Variants in FAIM2 observed in about 807,000 individuals in gnomAD.
The protein encoded by FAIM2 is protein lifeguard 2.
A neutral mutation model predicts 47.4 loss-of-function variants in FAIM2; 27 were observed. The ratio of observed to expected loss-of-function variants is 0.57; its 90% confidence interval spans 0.42 to 0.78. The LOEUF (loss-of-function observed/expected upper bound fraction) is 0.78. Ranked by LOEUF, FAIM2 falls within the 30% of genes least tolerant of loss-of-function variation. The pLI is 0.00. For missense variants in FAIM2, 311 were observed against 389.4 expected, an observed-to-expected ratio of 0.80 and a Z score of 1.69; for synonymous variants, 156 against 159.3, an observed-to-expected ratio of 0.98 and a Z score of 0.16.
chr12:49,898,133 C>T (rs771512722), intron 2 of FAIM2, 43 bp from the exon 3 acceptor site: 5 of 1,456,926 alleles, frequency 3.4e-6, no homozygotes, highest in Non-Finnish European at 2.9e-6. Context: ...GTTCCCCCTA[C>T]ATAGAATTAC....
intron 10 of FAIM2, 29 bp from the exon 11 acceptor site, chr12:49,887,468 A>G: frequency 6.2e-7 from 1 of 1,602,414 alleles, no homozygotes; most frequent in South Asian, 1.1e-5. Context: ...GGGCTTAGGG[A>G]CGACAAGAAG....
chr12:49,870,792 C>T, intron 11 of FAIM2, 139 bp from the exon 12 acceptor site: 2 of 711,096 alleles, frequency 2.8e-6, no homozygotes, highest in Non-Finnish European at 4.7e-6. Context: ...AGTGGCCCTC[C>T]TGTGACACCT....
chr12:49,890,890 C>G (rs989174048), intron 6 of FAIM2, among the ~76,000 whole-genome samples, 168 bp from the exon 7 acceptor site: 33 of 152,166 alleles, frequency 2.2e-4, no homozygotes, highest in African/African-American at 7.7e-4. Flanking sequence ...CCCCTTCTCC[C>G]TACCTCAGAG....
chr12:49,876,046 A>G (rs1163329760), intron 11 of FAIM2, among the ~76,000 whole-genome samples: 1 of 152,220 alleles, frequency 6.6e-6, no homozygotes, highest in African/African-American at 2.4e-5. Flanking sequence ...AATATTTTGT[A>G]TGAAAGAGCC....
At chr12:49,883,038 C>A (rs959597201) in intron 11 of FAIM2, among the ~76,000 whole-genome samples, 5 of 152,146 alleles carry the variant, frequency 3.3e-5, no homozygotes, top group African/African-American at 1.2e-4. Context: ...GGGCTGTGAG[C>A]AGATCCTAAG....
In FAIM2 at chr12:49,901,266, C is replaced by T; in HGVS notation, c.75G>A (p.Lys25=). The part of the protein sequence containing the change: ...TEGQQQVHGE[K]KEAPAVPSAP... ...CTGAGGGCACTGCTGGAGCCTCCTT[C>T]TTCTCGCCATGCACCTGCTGCTGCC... Residue 25 remains lysine (K), a synonymous_variant, in exon 2 of 12, where the codon AAG becomes AAA. Transcript: ENST00000320634. 6.2e-7 allele frequency: 1 copy of T among 1,609,828 alleles called. No homozygotes were observed. The highest frequency in any genetic ancestry group is 8.5e-7 in the Non-Finnish European group (1 of 1,178,346).
chr12:49,867,716 C>T lies in FAIM2; in HGVS notation c.*2788G>A, dbSNP rs1226601548. On this transcript the variant is annotated 3_prime_UTR_variant, in exon 12 of 12. Transcript: ENST00000320634. Reference sequence around the variant, plus strand: ...TGAAGGGCCTGCAGACTCCCTTCCTCCTTTACAGCTTGTGACACCTGCTCA... The same window carrying T: ...TGAAGGGCCTGCAGACTCCCTTCCTTCTTTACAGCTTGTGACACCTGCTCA... 1 of 152,338 alleles carries T rather than the reference C, an allele frequency of 6.6e-6. No homozygotes were observed. The highest frequency in any genetic ancestry group is 1.5e-5 in the Non-Finnish European group (1 of 68,116). The allele number at this position is 152,338 out of a possible 1,614,324, so 9.4% of individuals were successfully genotyped here. A position where few individuals can be genotyped will look rare whatever the true frequency, so the allele number is the denominator to read the frequency against.
chr12:49,900,064 G>A, intron 2 of FAIM2: 1 of 448,062 alleles, frequency 2.2e-6, no homozygotes, highest in Non-Finnish European at 3.9e-6. Context: ...CGAAAGCCCA[G>A]GTGGCCAGGC....
intron 10 of FAIM2, 85 bp from the exon 11 acceptor site, chr12:49,887,524 G>A (rs1946870503): frequency 4.2e-6 from 5 of 1,177,034 alleles, no homozygotes; most frequent in South Asian, 3.9e-5. Context: ...TCCAGAGAAT[G>A]GAGGACACGG....
intron 11 of FAIM2, among the ~76,000 whole-genome samples, chr12:49,880,509 T>TGTGTGTATGA (rs1465168140): frequency 6.6e-6 from 1 of 151,530 alleles, no homozygotes; most frequent in African/African-American, 2.4e-5. Context: ...TGTGTATGAG[T>TGTGTGTATGA]GTGTATGTGC....
intron 11 of FAIM2, among the ~76,000 whole-genome samples, chr12:49,877,753 C>T (rs1176456638): frequency 2.6e-5 from 4 of 151,762 alleles, no homozygotes; most frequent in Admixed American, 6.6e-5. Flanking sequence ...TGTATATATA[C>T]GTGTGTATGT....
intron 1 of FAIM2, chr12:49,902,864 G>C (rs1180681517): frequency 6.6e-6 from 1 of 152,220 alleles, no homozygotes; most frequent in East Asian, 1.9e-4. Flanking sequence ...GCGGGAGGTG[G>C]TATCACCCAG....
At chr12:49,902,710 C>A (rs1946989654) in intron 1 of FAIM2, 1 of 151,652 alleles carries the variant, frequency 6.6e-6, no homozygotes, top group South Asian at 2.1e-4. Context: ...CCCCAGCCCC[C>A]CTCATCACCC....
At chr12:49,897,961 C>T in intron 3 of FAIM2, 26 bp downstream of exon 3, 1 of 1,581,368 alleles carries the variant, frequency 6.3e-7, no homozygotes, top group Non-Finnish European at 8.7e-7. Flanking sequence ...GGCTCCCAGT[C>T]CCAGAGGGCT....
chr12:49,885,352 G>C (rs1409401425), intron 11 of FAIM2, among the ~76,000 whole-genome samples: 1 of 152,150 alleles, frequency 6.6e-6, no homozygotes, highest in Non-Finnish European at 1.5e-5. Flanking sequence ...GTCTGCCCTG[G>C]CTTGGCCCCT....
intron 2 of FAIM2, among the ~76,000 whole-genome samples, chr12:49,900,482 C>G (rs1228745177): frequency 6.6e-6 from 1 of 152,148 alleles, no homozygotes; most frequent in African/African-American, 2.4e-5. Flanking sequence ...GATTCTCGGT[C>G]TGCAGGAATC....
intron 11 of FAIM2, among the ~76,000 whole-genome samples, chr12:49,877,984 G>GT (rs1357254445): frequency 6.6e-6 from 1 of 151,716 alleles, no homozygotes; most frequent in Non-Finnish European, 1.5e-5. Flanking sequence ...GCATGTATGT[G>GT]TTTATGTGTA....
intron 2 of FAIM2, among the ~76,000 whole-genome samples, chr12:49,900,507 G>A (rs1326881198): frequency 6.6e-6 from 1 of 152,144 alleles, no homozygotes; most frequent in South Asian, 2.1e-4. Context: ...ATCCACCTGG[G>A]TGAGTGTGCC....
intron 10 of FAIM2, 76 bp from the exon 11 acceptor site, chr12:49,887,515 C>A: frequency 7.7e-7 from 1 of 1,297,444 alleles, no homozygotes; most frequent in South Asian, 1.3e-5. Flanking sequence ...AGGGTTCAGT[C>A]CAGAGAATGG....
Sources: allele counts gnomAD v4.1 joint callset (sites outside exome capture counted in the v4.1 genomes callset), GRCh38; gene constraint gnomAD v4.1.1; transcripts MANE v1.5; gene names NCBI Gene and HGNC (gene_info 2026-07-23, HGNC 2026-07-21).